The following RASGEF1B variants were observed in gnomAD, a reference collection of about 807,000 sequenced individuals.
RASGEF1B encodes the protein ras-GEF domain-containing family member 1B.
A neutral mutation model predicts 65.7 loss-of-function variants in RASGEF1B; 30 were observed. The ratio of observed to expected loss-of-function variants is 0.46; its 90% CI spans 0.34 to 0.62. The LOEUF (loss-of-function observed/expected upper bound fraction) is 0.62, where lower values mean the gene tolerates loss of function less well. RASGEF1B is among the 20% of genes least tolerant of loss of function. RASGEF1B has a pLI of 0.01. For synonymous variants in RASGEF1B, 175 were observed against 194.8 expected (o/e 0.90, Z 0.85); for missense variants, 495 against 580.1 (o/e 0.85, Z 1.51).
At chr4:81,455,717 G>A (rs1722419979) in intron 4 of RASGEF1B, 1 of 152,162 alleles carries the variant, frequency 6.6e-6, no homozygotes, top group Non-Finnish European at 1.5e-5. Context: ...GGATAACCTT[G>A]AATTTGTCAC....
At chr4:81,446,684 T>C (rs1169515060) in intron 6 of RASGEF1B, among the ~76,000 whole-genome samples, 1 of 152,144 alleles carries the variant, frequency 6.6e-6, no homozygotes, top group Non-Finnish European at 1.5e-5. Context: ...AGTAACACAT[T>C]GTTCAAAGGC....
chr4:81,460,334 A>G lies in RASGEF1B; in HGVS notation c.-6-820T>C, dbSNP rs568062428. 1.1e-4 allele frequency among the ~76,000 whole-genome samples: 16 copies of G among 152,268 alleles called. 1 individual carries two copies. In the South Asian group the frequency reaches 3.3e-3, roughly 32 times the overall value. On this transcript the variant is annotated intron_variant, in intron 1 of 13. Transcript: ENST00000264400. The stretch of plus-strand genomic sequence containing the variant: ...CCAGAGGCTATTAAGTTATTACTTG[A>G]ATTCCTAGGGACGGCACCCGGCCCT...
chr4:81,445,261 A>G (rs79323742), intron 8 of RASGEF1B, among the ~76,000 whole-genome samples: 19,806 of 152,224 alleles, frequency 0.13, 1,549 homozygotes, highest in South Asian at 0.23. Context: ...CTTTATGTAG[A>G]CAAATATCTT....
At chr4:81,463,223 C>A (rs972174174) in intron 1 of RASGEF1B, among the ~76,000 whole-genome samples, 1 of 152,138 alleles carries the variant, frequency 6.6e-6, no homozygotes, top group South Asian at 2.1e-4. Context: ...TTAAAAAGTT[C>A]AACTGTCAAC....
At chr4:81,433,319 T>C (rs1214441942) in intron 12 of RASGEF1B, among the ~76,000 whole-genome samples, 1 of 152,142 alleles carries the variant, frequency 6.6e-6, no homozygotes, top group Non-Finnish European at 1.5e-5. Context: ...AATATTAGGA[T>C]ATAACAAATC....
intron 8 of RASGEF1B, among the ~76,000 whole-genome samples, chr4:81,442,696 T>C (rs2109975803): frequency 6.6e-6 from 1 of 152,376 alleles, no homozygotes; most frequent in Non-Finnish European, 1.5e-5. Flanking sequence ...ACAGCCACCA[T>C]CCAGTTATGT....
At chr4:81,456,239 T>C (rs747245370) in intron 4 of RASGEF1B, 10 of 485,386 alleles carry the variant, frequency 2.1e-5, no homozygotes, top group Non-Finnish European at 3.6e-5. Context: ...TTTATTAATC[T>C]ACTATTTATC....
intron 6 of RASGEF1B, 131 bp downstream of exon 6, chr4:81,447,373 T>C: frequency 1.5e-6 from 1 of 680,452 alleles, no homozygotes; most frequent in Admixed American, 2.9e-5. Context: ...ACGTGGCTGA[T>C]GGAAAAAAAA....
At position 81,450,487 on chromosome 4, in the gene RASGEF1B, T is replaced by C. The variant is rs185340401; in HGVS notation, c.439-2203A>G. Reference sequence around the variant, plus strand: ...TTCAAGCGATTCTCGTGCCTCAGCCTCCTGAATAGCTGGGATTACAAGTGT... The same window carrying C: ...TTCAAGCGATTCTCGTGCCTCAGCCCCCTGAATAGCTGGGATTACAAGTGT... On this transcript the variant is annotated intron_variant, in intron 4 of 13. Coordinates refer to ENST00000264400, the MANE Select transcript of RASGEF1B (RefSeq NM_152545.3). 4.4e-3 allele frequency among the ~76,000 whole-genome samples: 664 copies of C among 152,302 alleles called. 4 individuals carry two copies. Among genetic ancestry groups the C allele is most frequent in the African/African-American group, 0.015 (607 of 41,568 alleles).
At position 81,440,826 on chromosome 4, in the gene RASGEF1B, G is replaced by A. The variant is rs368219122; in HGVS notation, c.1104+8C>T. On this transcript the variant is annotated splice_region_variant and intron_variant, in intron 10 of 13. Coordinates refer to ENST00000264400, the MANE Select transcript of RASGEF1B (RefSeq NM_152545.3). ...TACCATAAGAAAGATACTTCTTTAA[G>A]TGCATACCTTTTCTCTACTACTATG... 1.9e-6 allele frequency: 3 copies of A among 1,561,028 alleles called. No homozygotes were observed. Among genetic ancestry groups the A allele is most frequent in the Admixed American group, 3.4e-5 (2 of 59,262 alleles).
intron 13 of RASGEF1B, among the ~76,000 whole-genome samples, chr4:81,429,510 C>T (rs1367442863): frequency 6.6e-6 from 1 of 152,098 alleles, no homozygotes; most frequent in Non-Finnish European, 1.5e-5. Context: ...TCAACCCCCA[C>T]GGACCTAGGT....
intron 4 of RASGEF1B, among the ~76,000 whole-genome samples, chr4:81,450,454 C>A (rs1359129958): frequency 1.3e-5 from 2 of 152,196 alleles, no homozygotes; most frequent in Non-Finnish European, 2.9e-5. Flanking sequence ...CCACCTCCAC[C>A]TCCCAGGTTC....
intron 10 of RASGEF1B, among the ~76,000 whole-genome samples, chr4:81,437,477 A>T (rs1472405453): frequency 6.6e-6 from 1 of 152,216 alleles, no homozygotes; most frequent in East Asian, 1.9e-4. Context: ...ATATTGTAGC[A>T]GCTTTTAAAA....
At chr4:81,468,260 T>G (rs893057952) in intron 1 of RASGEF1B, among the ~76,000 whole-genome samples, 10 of 152,216 alleles carry the variant, frequency 6.6e-5, no homozygotes, top group African/African-American at 2.4e-4. Flanking sequence ...AGTAGAGTTT[T>G]CTATTTATAT....
chr4:81,429,811 G>A (rs545627084), intron 13 of RASGEF1B, among the ~76,000 whole-genome samples: 29 of 152,268 alleles, frequency 1.9e-4, no homozygotes, highest in Non-Finnish European at 3.7e-4. Context: ...TCTGAGGAGC[G>A]GCTGGTCGTC....
chr4:81,450,050 C>T (rs1722196346), intron 4 of RASGEF1B, among the ~76,000 whole-genome samples: 1 of 152,180 alleles, frequency 6.6e-6, no homozygotes, highest in Non-Finnish European at 1.5e-5. Context: ...ATCCCACCTT[C>T]CATACAGCAC....
intron 4 of RASGEF1B, chr4:81,455,203 A>C (rs1275122602): frequency 6.6e-6 from 1 of 152,280 alleles, no homozygotes; most frequent in Non-Finnish European, 1.5e-5. Flanking sequence ...TTGGGAGGCC[A>C]AGGCCAGTGG....
chr4:81,434,520 G>C (rs1721540833), intron 11 of RASGEF1B, 119 bp downstream of exon 11: 5 of 698,038 alleles, frequency 7.2e-6, no homozygotes, highest in Non-Finnish European at 1.0e-5. Context: ...AATATGGAAA[G>C]AGATAATTTG....
At chr4:81,453,282 C>G (rs1304210212) in intron 4 of RASGEF1B, 2 of 152,136 alleles carry the variant, frequency 1.3e-5, no homozygotes, top group Admixed American at 1.3e-4. Flanking sequence ...TCAGTATCCT[C>G]GGGAGATTGG....
Sources: gnomAD v4.1 joint callset for allele counts (sites outside exome capture counted in the v4.1 genomes callset) on GRCh38, gnomAD v4.1.1 for gene constraint, MANE v1.5 for transcripts, NCBI Gene and HGNC (gene_info 2026-07-23, HGNC 2026-07-21) for gene names.